The following COL10A1 variants were observed in gnomAD, a reference collection of about 807,000 sequenced individuals.
The protein encoded by COL10A1 is collagen type X alpha 1 chain.
In COL10A1, 10 loss-of-function variants were observed where a neutral mutation model predicts 18.2. The ratio of observed to expected loss-of-function variants is 0.55; its 90% CI spans 0.34 to 0.93. The LOEUF is 0.93. Ranked by LOEUF, COL10A1 falls within the 40% of genes least tolerant of loss-of-function variation. COL10A1 has a pLI of 0.02. For synonymous variants in COL10A1, 330 were observed against 316.6 expected, an observed-to-expected ratio of 1.04 and a Z score of -0.45; for missense variants, 897 against 853.5, an observed-to-expected ratio of 1.05 and a Z score of -0.64.
Position 116,125,353 on chromosome 6 carries a change from G to T in COL10A1, c.140C>A (p.Thr47Asn). The T allele has an allele frequency of 6.2e-7, 1 of 1,613,692 alleles. No individual in the cohort carries two copies. Among genetic ancestry groups the T allele is most frequent in the Non-Finnish European group, 8.5e-7 (1 of 1,179,778 alleles). The change falls in exon 2 of 3, where the codon ACC becomes AAC. Residue 47 changes from threonine (T) to asparagine (N), a missense_variant. By Grantham distance (65) the Thr-to-Asn change is moderately conservative. Coordinates refer to ENST00000651968, the MANE Select transcript of COL10A1 (RefSeq NM_000493.4). ...ATTCAATTTACCTTTACTCTTTATG[G>T]TGTAGGGAATGAAGAACTGTGTCTT... Reference protein sequence around the residue: ...NTKTQFFIPYTIKSKGIAVRG... With the variant: ...NTKTQFFIPYNIKSKGIAVRG...
At chr6:116,181,449 A>G in the COL10A1 span, among the ~76,000 whole-genome samples, 1 of 152,060 alleles carries the variant, frequency 6.6e-6, no homozygotes, top group Admixed American at 6.6e-5. Flanking sequence ...AATTAATAAA[A>G]CCCAGCATCT....
At chr6:116,127,611 G>A (rs1779354685), upstream of COL10A1, among the ~76,000 whole-genome samples, 1 of 152,012 alleles carries the variant, frequency 6.6e-6, no homozygotes, top group Admixed American at 6.6e-5. Flanking sequence ...TTTGGCTTAT[G>A]GCCCATTTGG....
chr6:116,178,098 CGCGCGT>C, the COL10A1 span, among the ~76,000 whole-genome samples: 2,286 of 93,294 alleles, frequency 0.025, 28 homozygotes, highest in African/African-American at 0.082. Flanking sequence ...TGCGCGCGCG[CGCGCGT>C]GCGTGCGTGT....
intron 1 of COL10A1, among the ~76,000 whole-genome samples, chr6:116,157,871 C>T (rs750320932): frequency 6.6e-6 from 1 of 152,132 alleles, no homozygotes; most frequent in Non-Finnish European, 1.5e-5. Context: ...TTGTATTGTA[C>T]GTCTTTTAGG....
chr6:116,178,110 C>T, the COL10A1 span, among the ~76,000 whole-genome samples: 34,790 of 117,440 alleles, frequency 0.3, 4,660 homozygotes, highest in African/African-American at 0.45. Context: ...CGCGTGCGTG[C>T]GTGTGTGTGT....
chr6:116,176,508 A>T, the COL10A1 span, among the ~76,000 whole-genome samples: 6 of 152,190 alleles, frequency 3.9e-5, no homozygotes, highest in Admixed American at 3.9e-4. Flanking sequence ...TGCAGCTGAC[A>T]TTAGCAGAAG....
the COL10A1 span, among the ~76,000 whole-genome samples, chr6:116,189,912 T>G: frequency 6.6e-6 from 1 of 151,984 alleles, no homozygotes; most frequent in Non-Finnish European, 1.5e-5. Flanking sequence ...GTTTTTGCCT[T>G]TTAAGATTTT....
Position 116,120,343 on chromosome 6 carries a change from A to G in COL10A1, c.1773T>C (p.Cys591=), listed in dbSNP as rs1486883382. The stretch of plus-strand genomic sequence containing the variant: ...AAAAATAGTATATTCCTGGTATCTG[A>G]CAAGTAAAGATTCCAGTCCTTGGGT... The part of the protein sequence containing the change: ...HYDPRTGIFT[C]QIPGIYYFSY... Residue 591 remains cysteine, a synonymous_variant, in exon 3 of 3, where the codon TGT becomes TGC. Coordinates refer to ENST00000651968, the MANE Select transcript of COL10A1 (RefSeq NM_000493.4). The G allele has an allele frequency of 6.2e-7, 1 of 1,614,220 alleles. No individual in the cohort carries two copies. Among genetic ancestry groups the G allele is most frequent in the Admixed American group, 1.7e-5 (1 of 60,026 alleles).
At chr6:116,165,014 G>T in the COL10A1 span, among the ~76,000 whole-genome samples, 1 of 148,850 alleles carries the variant, frequency 6.7e-6, no homozygotes, top group South Asian at 2.1e-4. Flanking sequence ...GGAGAATGGC[G>T]TGAACCTGGG....
At chr6:116,197,419 AT>A in the COL10A1 span, among the ~76,000 whole-genome samples, 348 of 152,154 alleles carry the variant, frequency 2.3e-3, 3 homozygotes, top group Admixed American at 6.8e-3. Context: ...GCAGAATTGA[AT>A]CATTGGAAGA....
chr6:116,212,080 T>C, the COL10A1 span, among the ~76,000 whole-genome samples: 1 of 152,150 alleles, frequency 6.6e-6, no homozygotes, highest in East Asian at 1.9e-4. Context: ...AAAGAAATTA[T>C]TTCATTATTC....
chr6:116,197,292 A>T, the COL10A1 span, among the ~76,000 whole-genome samples: 1 of 152,000 alleles, frequency 6.6e-6, no homozygotes, highest in Non-Finnish European at 1.5e-5. Context: ...TGTAGACACC[A>T]TTCCCTTTAC....
upstream of COL10A1, among the ~76,000 whole-genome samples, chr6:116,163,266 G>A (rs1780386140): frequency 6.7e-6 from 1 of 149,354 alleles, no homozygotes; most frequent in Admixed American, 6.7e-5. Flanking sequence ...TGTTTTGGTT[G>A]GTAGATCTTT....
chr6:116,156,708 TA>T (rs1780204246), intron 1 of COL10A1, among the ~76,000 whole-genome samples: 1 of 152,246 alleles, frequency 6.6e-6, no homozygotes, highest in South Asian at 2.1e-4. Flanking sequence ...TGTACTTTCA[TA>T]ATATTTGCTT....
intron 1 of COL10A1, among the ~76,000 whole-genome samples, chr6:116,151,715 G>C (rs1780044425): frequency 1.3e-5 from 2 of 152,070 alleles, no homozygotes; most frequent in Non-Finnish European, 2.9e-5. Flanking sequence ...CTTATAATGG[G>C]AATTAAGTAT....
upstream of COL10A1, among the ~76,000 whole-genome samples, chr6:116,160,703 G>A (rs1027964042): frequency 6.6e-6 from 1 of 152,154 alleles, no homozygotes; most frequent in East Asian, 1.9e-4. Context: ...CTAGGCCAGT[G>A]TCCAGAAGAG....
Position 116,120,162 on chromosome 6 carries a change from G to A in COL10A1, c.1954C>T (p.Leu652Phe). 2 of 1,614,152 alleles carry A rather than the reference G, an allele frequency of 1.2e-6. No homozygotes were observed. The highest frequency in any genetic ancestry group is 1.6e-4 in the Middle Eastern group (1 of 6,062). ...TTTGACTCGGCATTGGGAAGCTGGA[G>A]CCACACCTGGTCATTTTCTGTGAGA... is the stretch of plus-strand genomic sequence containing the variant. ...IDLTENDQVWLQLPNAESNGL... is the reference protein window; with the variant it reads ...IDLTENDQVWFQLPNAESNGL... The change falls in exon 3 of 3, where the codon CTC (leucine) becomes TTC (phenylalanine). Residue 652 changes from leucine to phenylalanine, a missense_variant. Physicochemically the swap from Leu to Phe is conservative, Grantham distance 22. Transcript: ENST00000651968.
At chr6:116,176,851 C>A in the COL10A1 span, among the ~76,000 whole-genome samples, 1 of 152,170 alleles carries the variant, frequency 6.6e-6, no homozygotes, top group East Asian at 1.9e-4. Context: ...TCTTGCCTGG[C>A]TGACTGTCCT....
chr6:116,168,901 T>G, the COL10A1 span, among the ~76,000 whole-genome samples: 2 of 152,216 alleles, frequency 1.3e-5, no homozygotes, highest in African/African-American at 4.8e-5. Flanking sequence ...AAGTTGTGCT[T>G]CAGGCCATTG....
Sources: allele counts gnomAD v4.1 joint callset (sites outside exome capture counted in the v4.1 genomes callset), GRCh38; gene constraint gnomAD v4.1.1; transcripts MANE v1.5; gene names NCBI Gene and HGNC (gene_info 2026-07-23, HGNC 2026-07-21).